ARL6IP6: variants seen among roughly 807,000 people sequenced by gnomAD.
ARL6IP6 encodes the protein ARF like GTPase 6 interacting protein 6.
Under a neutral mutation model 21.5 loss-of-function variants are expected in ARL6IP6, and 22 were observed. The ratio of observed to expected loss-of-function variants is 1.02; its 90% CI spans 0.73 to 1.46. The LOEUF (loss-of-function observed/expected upper bound fraction) is 1.46. Ranked by LOEUF, ARL6IP6 falls within the 40% of genes most tolerant of loss-of-function variation. The probability of loss-of-function intolerance (pLI) is 0.00; values close to 1 mark genes in which losing one functional copy is unlikely to be tolerated. For synonymous variants in ARL6IP6, 164 were observed against 125.3 expected, an observed-to-expected ratio of 1.31 and a Z score of -2.06; for missense variants, 388 against 299.8, an observed-to-expected ratio of 1.29 and a Z score of -2.17.
At chr2:152,718,155 G>C, upstream of ARL6IP6, 1 of 760,826 alleles carries the variant, frequency 1.3e-6, no homozygotes, top group African/African-American at 1.9e-5. Flanking sequence ...ACCTGGAGAA[G>C]AGTGTGAGCG....
At chr2:152,753,123 A>C (rs1701414780) in intron 3 of ARL6IP6, among the ~76,000 whole-genome samples, 1 of 152,082 alleles carries the variant, frequency 6.6e-6, no homozygotes, top group Non-Finnish European at 1.5e-5. Flanking sequence ...TGGGTAACAG[A>C]GTGAGACCCT....
intron 2 of ARL6IP6, 23 bp from the exon 3 acceptor site, chr2:152,734,971 T>A (rs1292549688): frequency 6.2e-7 from 1 of 1,604,610 alleles, no homozygotes; most frequent in African/African-American, 1.3e-5. Flanking sequence ...AATGTACTTT[T>A]TCCCCTCTCT....
chr2:152,721,130 G>GT (rs747881903), intron 2 of ARL6IP6, among the ~76,000 whole-genome samples: 4 of 152,162 alleles, frequency 2.6e-5, no homozygotes, highest in Non-Finnish European at 5.9e-5. Context: ...ACTGGTATGT[G>GT]TATGTACCAC....
At chr2:152,724,187 C>T (rs1451942682) in intron 2 of ARL6IP6, among the ~76,000 whole-genome samples, 3 of 150,418 alleles carry the variant, frequency 2.0e-5, no homozygotes, top group Non-Finnish European at 3.0e-5. Flanking sequence ...TCTGGGTTTC[C>T]GAATTGATTG....
chr2:152,719,460 G>A (rs1455245112), intron 1 of ARL6IP6, among the ~76,000 whole-genome samples: 1 of 152,200 alleles, frequency 6.6e-6, no homozygotes, highest in East Asian at 1.9e-4. Context: ...GAGGGACAAA[G>A]ATTTTCATCG....
chr2:152,740,077 A>G (rs1272491373), intron 3 of ARL6IP6, among the ~76,000 whole-genome samples: 2 of 152,170 alleles, frequency 1.3e-5, no homozygotes, highest in African/African-American at 4.8e-5. Context: ...GTCAAACCAT[A>G]TCAATTAGTA....
chr2:152,753,841 C>T (rs955133389), intron 3 of ARL6IP6, among the ~76,000 whole-genome samples: 10 of 151,732 alleles, frequency 6.6e-5, no homozygotes, highest in South Asian at 2.1e-4. Flanking sequence ...GCACTACAGG[C>T]GCTCGCCACC....
intron 2 of ARL6IP6, among the ~76,000 whole-genome samples, chr2:152,723,691 A>G (rs771506274): frequency 3.9e-5 from 6 of 152,180 alleles, no homozygotes; most frequent in Non-Finnish European, 7.3e-5. Flanking sequence ...TATAGCAGCA[A>G]TTCTCATTTT....
At chr2:152,736,603 C>G (rs1422260223) in intron 3 of ARL6IP6, among the ~76,000 whole-genome samples, 3 of 152,146 alleles carry the variant, frequency 2.0e-5, no homozygotes, top group Non-Finnish European at 2.9e-5. Flanking sequence ...GGCTAGTGTA[C>G]TTGACTTCTT....
At chr2:152,719,152 C>T in intron 1 of ARL6IP6, 128 bp downstream of exon 1, 1 of 1,099,850 alleles carries the variant, frequency 9.1e-7, no homozygotes, top group Non-Finnish European at 1.2e-6. Flanking sequence ...ACCCAGAGTC[C>T]TCATTTGCAT....
At chr2:152,719,299 G>T (rs1699574965) in intron 1 of ARL6IP6, among the ~76,000 whole-genome samples, 1 of 152,142 alleles carries the variant, frequency 6.6e-6, no homozygotes, top group Non-Finnish European at 1.5e-5. Flanking sequence ...GAACACTGGG[G>T]ATGAAATATT....
At chr2:152,744,151 A>G (rs1700939903) in intron 3 of ARL6IP6, among the ~76,000 whole-genome samples, 1 of 152,156 alleles carries the variant, frequency 6.6e-6, no homozygotes, top group Non-Finnish European at 1.5e-5. Context: ...GAAAGGCATG[A>G]TTTAAAATTT....
chr2:152,755,249 G>A (rs191999310), intron 3 of ARL6IP6, among the ~76,000 whole-genome samples: 4 of 152,262 alleles, frequency 2.6e-5, no homozygotes, highest in Admixed American at 1.3e-4. Context: ...ATGGTCTAGC[G>A]GTAGCGTCAA....
Position 152,739,554 on chromosome 2 carries a change from C to T in ARL6IP6, c.587+4428C>T, listed in dbSNP as rs148894301. ...TCAAGATCGGCATTTTGGTCAAAGCCATTCAGCAAGTCTCTAGGAAGTTGC... is the reference window on the plus strand; with the variant it reads ...TCAAGATCGGCATTTTGGTCAAAGCTATTCAGCAAGTCTCTAGGAAGTTGC... On this transcript the variant is annotated intron_variant, in intron 3 of 3. Coordinates refer to ENST00000326446, the MANE Select transcript of ARL6IP6 (RefSeq NM_152522.7). Among the ~76,000 whole-genome samples, 393 of 152,242 alleles carry T rather than the reference C, an allele frequency of 2.6e-3. 2 individuals carry two copies. Among genetic ancestry groups the T allele is most frequent in the African/African-American group, 8.6e-3 (358 of 41,530 alleles).
intron 3 of ARL6IP6, among the ~76,000 whole-genome samples, chr2:152,740,417 A>G (rs1042038731): frequency 2.0e-5 from 3 of 152,160 alleles, no homozygotes; most frequent in East Asian, 1.9e-4. Flanking sequence ...CAGTTTTAAT[A>G]TGAAATGGTG....
chr2:152,717,778 T>TG (rs899416435), upstream of ARL6IP6: 45 of 1,216,056 alleles, frequency 3.7e-5, no homozygotes, highest in African/African-American at 2.8e-4. Flanking sequence ...GGTGGGGCAG[T>TG]GGGGGTCTGC....
At chr2:152,728,679 T>C (rs1362485330) in intron 2 of ARL6IP6, among the ~76,000 whole-genome samples, 12 of 152,176 alleles carry the variant, frequency 7.9e-5, no homozygotes, top group Admixed American at 7.9e-4. Flanking sequence ...AGCAAAGGGA[T>C]TGGGATAGGA....
intron 3 of ARL6IP6, among the ~76,000 whole-genome samples, chr2:152,742,726 T>C (rs1267354723): frequency 6.6e-6 from 1 of 152,126 alleles, no homozygotes; most frequent in East Asian, 1.9e-4. Context: ...CCTTTTAAGC[T>C]AATATTCTAG....
intron 3 of ARL6IP6, among the ~76,000 whole-genome samples, chr2:152,740,623 T>C (rs1461357853): frequency 6.7e-6 from 1 of 148,730 alleles, no homozygotes; most frequent in Non-Finnish European, 1.5e-5. Context: ...ATAAATAGAA[T>C]ATATACACAT....
Sources: gnomAD v4.1 joint callset for allele counts (sites outside exome capture counted in the v4.1 genomes callset) on GRCh38, gnomAD v4.1.1 for gene constraint, MANE v1.5 for transcripts, NCBI Gene and HGNC (gene_info 2026-07-23, HGNC 2026-07-21) for gene names.